The following NPAS2 variants were observed in gnomAD, a reference collection of about 807,000 sequenced individuals.
NPAS2 encodes the protein neuronal PAS domain protein 2.
NPAS2 carries 23 observed loss-of-function variants against 107.5 expected under a neutral mutation model. The ratio of observed to expected loss-of-function variants is 0.21; its 90% confidence interval spans 0.15 to 0.30. The LOEUF is 0.30. Among genes scored for constraint, NPAS2 ranks in the 10% least tolerant of loss-of-function variants. The pLI, the probability that NPAS2 is intolerant of heterozygous loss-of-function variation, is 1.00. For synonymous variants in NPAS2, 403 were observed against 417.5 expected, an observed-to-expected ratio of 0.97 and a Z score of 0.42; for missense variants, 756 against 1,043.3, an observed-to-expected ratio of 0.72 and a Z score of 3.79.
In NPAS2 at chr2:100,964,113, G is replaced by A. The variant is rs41280595; in HGVS notation, c.654G>A (p.Val218=). 0.16 allele frequency: 262,747 copies of A among 1,613,106 alleles called. 23,238 individuals carry two copies. Among genetic ancestry groups the A allele is most frequent in the Non-Finnish European group, 0.18 (213,249 of 1,179,136 alleles). ...FDNTLSRPCR[V]PLGKEVCFIA... ...ACACCCTTTCAAGACCTTGCCGGGT[G>A]CCACTAGGAAAGGAGGTTTGCTTCA... is the stretch of plus-strand genomic sequence containing the variant. Residue 218 remains valine, a synonymous_variant, in exon 8 of 21, where the codon GTG becomes GTA. Transcript: ENST00000335681.
intron 7 of NPAS2, among the ~76,000 whole-genome samples, chr2:100,959,703 C>T (rs1399288174): frequency 6.6e-6 from 1 of 152,218 alleles, no homozygotes; most frequent in Non-Finnish European, 1.5e-5. Flanking sequence ...CATATCTTCT[C>T]AGACACCTGT....
At chr2:100,994,537 G>C (rs1573822934) in intron 20 of NPAS2, 1 of 152,280 alleles carries the variant, frequency 6.6e-6, no homozygotes, top group Non-Finnish European at 1.5e-5. Flanking sequence ...AGAGCGCTTC[G>C]GCCCACTCAC....
chr2:100,916,543 C>A (rs1282924728), intron 2 of NPAS2, among the ~76,000 whole-genome samples: 1 of 151,984 alleles, frequency 6.6e-6, no homozygotes, highest in Non-Finnish European at 1.5e-5. Flanking sequence ...ATCAATTCAC[C>A]AAGAACAGAT....
rs544670432 is a variant in NPAS2, at chr2:100,967,371, C to T, written c.908-910C>T. Among the ~76,000 whole-genome samples, 4 of 148,104 alleles carry T rather than the reference C, an allele frequency of 2.7e-5. No homozygotes were observed. The East Asian group carries it at 6.4e-4, about 24-fold the overall frequency. On this transcript the variant is annotated intron_variant, in intron 10 of 20. Transcript: ENST00000335681. Reference sequence around the variant, plus strand: ...CCTCGTGAGTAGCTGGGACAACAGACGCCCGCCACCACACCCGGCTAATTT... The same window carrying T: ...CCTCGTGAGTAGCTGGGACAACAGATGCCCGCCACCACACCCGGCTAATTT...
At chr2:100,863,828 G>A (rs1320246915) in intron 1 of NPAS2, among the ~76,000 whole-genome samples, 1 of 151,972 alleles carries the variant, frequency 6.6e-6, no homozygotes, top group African/African-American at 2.4e-5. Flanking sequence ...AGCCCTCCTT[G>A]CATTCCACTT....
chr2:100,993,629 G>C (rs1325800740), intron 20 of NPAS2, 102 bp downstream of exon 20: 15 of 939,618 alleles, frequency 1.6e-5, no homozygotes, highest in Non-Finnish European at 1.5e-5. Context: ...TTTCAAGGTT[G>C]TTCTATCCCT....
At chr2:100,993,891 G>A (rs936624977) in intron 20 of NPAS2, 25 of 207,098 alleles carry the variant, frequency 1.2e-4, no homozygotes, top group Non-Finnish European at 2.0e-4. Flanking sequence ...TGTTTATAAA[G>A]TCCTATATAA....
chr2:100,925,042 A>T, intron 2 of NPAS2, 104 bp from the exon 3 acceptor site: 1 of 1,195,944 alleles, frequency 8.4e-7, no homozygotes, highest in Non-Finnish European at 1.2e-6. Context: ...TTGATAAGAT[A>T]GATGATCACA....
chr2:100,967,656 T>C (rs1012052123), intron 10 of NPAS2, among the ~76,000 whole-genome samples: 1 of 152,156 alleles, frequency 6.6e-6, no homozygotes, highest in African/African-American at 2.4e-5. Flanking sequence ...CCGTAGTCCA[T>C]CTTTCTGCCC....
chr2:100,966,939 A>C (rs1249722132), intron 10 of NPAS2, among the ~76,000 whole-genome samples: 3 of 152,148 alleles, frequency 2.0e-5, no homozygotes, highest in Non-Finnish European at 4.4e-5. Flanking sequence ...AATAGGCTTG[A>C]GTTCCATCTG....
chr2:100,861,031 G>A (rs1678909840), intron 1 of NPAS2, among the ~76,000 whole-genome samples: 1 of 148,096 alleles, frequency 6.8e-6, no homozygotes, highest in Non-Finnish European at 1.5e-5. Context: ...ACCACCCCCA[G>A]CTAATTTTTT....
At chr2:100,927,932 A>C (rs1032081561) in intron 3 of NPAS2, among the ~76,000 whole-genome samples, 1 of 152,196 alleles carries the variant, frequency 6.6e-6, no homozygotes, top group African/African-American at 2.4e-5. Flanking sequence ...CACCAAACAT[A>C]ATAAGTCAGA....
chr2:100,872,703 G>T (rs1194338489), intron 1 of NPAS2, among the ~76,000 whole-genome samples: 1 of 152,104 alleles, frequency 6.6e-6, no homozygotes, highest in Non-Finnish European at 1.5e-5. Flanking sequence ...CAGCATGGTG[G>T]ATCTTTGGTA....
chr2:100,973,094 G>A (rs1273252741), intron 12 of NPAS2, among the ~76,000 whole-genome samples: 6 of 151,818 alleles, frequency 4.0e-5, no homozygotes, highest in Admixed American at 6.6e-5. Flanking sequence ...CAGGAGAATC[G>A]CTTCAACCCA....
At chr2:100,993,738 G>C (rs1437067874) in intron 20 of NPAS2, 1 of 431,798 alleles carries the variant, frequency 2.3e-6, no homozygotes, top group African/African-American at 2.0e-5. Flanking sequence ...TTACGAGTCG[G>C]CTATTATGCC....
chr2:100,842,603 A>C (rs1461271231), intron 1 of NPAS2, among the ~76,000 whole-genome samples: 1 of 152,146 alleles, frequency 6.6e-6, no homozygotes, highest in Non-Finnish European at 1.5e-5. Context: ...TTAGTCGTGC[A>C]AGGTGGGCAG....
chr2:100,835,924 T>A (rs1259698817), intron 1 of NPAS2, among the ~76,000 whole-genome samples: 25 of 152,170 alleles, frequency 1.6e-4, no homozygotes, highest in Admixed American at 1.6e-3. Flanking sequence ...AGGAAATACA[T>A]GCAAGCAAGA....
intron 5 of NPAS2, among the ~76,000 whole-genome samples, chr2:100,941,692 C>G (rs372880906): frequency 1.3e-5 from 2 of 152,092 alleles, no homozygotes; most frequent in Non-Finnish European, 2.9e-5. Context: ...CAAGGGCTCA[C>G]GGGAGCCTCT....
chr2:100,895,657 A>T (rs1681368099), intron 1 of NPAS2, among the ~76,000 whole-genome samples: 1 of 151,982 alleles, frequency 6.6e-6, no homozygotes, highest in Non-Finnish European at 1.5e-5. Context: ...TTGCTTGATT[A>T]GATTCCCCAG....
Sources: allele counts gnomAD v4.1 joint callset (sites outside exome capture counted in the v4.1 genomes callset), GRCh38; gene constraint gnomAD v4.1.1; transcripts MANE v1.5; gene names NCBI Gene and HGNC (gene_info 2026-07-23, HGNC 2026-07-21).